NRXN1: variants seen among roughly 807,000 people sequenced by gnomAD.
The protein encoded by NRXN1 is neurexin 1.
In NRXN1, 39 loss-of-function variants were observed where a neutral mutation model predicts 150.9. The observed-to-expected ratio is 0.26, with a 90% CI of 0.20 to 0.34. The LOEUF (loss-of-function observed/expected upper bound fraction) is 0.34. Among genes scored for constraint, NRXN1 ranks in the 10% least tolerant of loss-of-function variants. The probability of loss-of-function intolerance (pLI) is 1.00; values close to 1 mark genes in which losing one functional copy is unlikely to be tolerated. For missense variants in NRXN1, 1,815 were observed against 1,949.9 expected (o/e 0.93, Z 1.30); for synonymous variants, 924 against 757.0 (o/e 1.22, Z -3.62).
chr2:50,720,865 A>G (rs915022823), intron 5 of NRXN1, among the ~76,000 whole-genome samples: 2 of 152,122 alleles, frequency 1.3e-5, no homozygotes, highest in African/African-American at 4.8e-5. Context: ...CTGAAACCTG[A>G]GCCAGCCAAT....
chr2:50,732,485 T>G (rs1698224783), intron 5 of NRXN1, among the ~76,000 whole-genome samples: 1 of 152,206 alleles, frequency 6.6e-6, no homozygotes. Context: ...TACTTTTCAC[T>G]GAATGAAACA....
At chr2:50,904,199 T>C (rs577048318) in intron 5 of NRXN1, among the ~76,000 whole-genome samples, 1 of 152,196 alleles carries the variant, frequency 6.6e-6, no homozygotes, top group African/African-American at 2.4e-5. Flanking sequence ...TAACAGCAAT[T>C]TGACTGAAAT....
chr2:50,100,707 T>C (rs1700866285), intron 18 of NRXN1, among the ~76,000 whole-genome samples: 1 of 152,042 alleles, frequency 6.6e-6, no homozygotes, highest in Non-Finnish European at 1.5e-5. Context: ...TAGAATAAAA[T>C]AAAGCTACCT....
chr2:49,959,506 C>A, intron 21 of NRXN1, among the ~76,000 whole-genome samples: 1 of 152,152 alleles, frequency 6.6e-6, no homozygotes, highest in Middle Eastern at 3.2e-3. Flanking sequence ...TTGAGAAGCC[C>A]TGGTACAGGT....
intron 17 of NRXN1, among the ~76,000 whole-genome samples, chr2:50,398,855 T>C (rs917635398): frequency 6.6e-6 from 1 of 152,104 alleles, no homozygotes; most frequent in African/African-American, 2.4e-5. Flanking sequence ...TATCAGCCAG[T>C]AGTGGGGCTG....
chr2:50,100,845 TTTA>T (rs1700884754), intron 18 of NRXN1, among the ~76,000 whole-genome samples: 1 of 152,082 alleles, frequency 6.6e-6, no homozygotes, highest in African/African-American at 2.4e-5. Context: ...AAGAATGTCT[TTTA>T]TTATTTTTCT....
At chr2:50,189,781 T>G (rs2061334372) in intron 18 of NRXN1, among the ~76,000 whole-genome samples, 1 of 152,148 alleles carries the variant, frequency 6.6e-6, no homozygotes, top group Non-Finnish European at 1.5e-5. Flanking sequence ...ACAATAGATC[T>G]GAACTCTAAG....
intron 18 of NRXN1, among the ~76,000 whole-genome samples, chr2:50,169,162 T>C (rs1331793623): frequency 2.6e-5 from 4 of 152,158 alleles, no homozygotes; most frequent in Admixed American, 2.6e-4. Flanking sequence ...ATTTCACAAA[T>C]TAGGAATCTC....
intron 5 of NRXN1, among the ~76,000 whole-genome samples, chr2:50,674,096 A>G (rs927529422): frequency 6.6e-6 from 1 of 152,054 alleles, no homozygotes; most frequent in African/African-American, 2.4e-5. Context: ...TTAAAGTATA[A>G]TAAAAAAAAG....
intron 5 of NRXN1, among the ~76,000 whole-genome samples, chr2:50,697,167 C>A (rs1235921606): frequency 6.6e-6 from 1 of 152,112 alleles, no homozygotes; most frequent in Non-Finnish European, 1.5e-5. Context: ...ATATACTTTA[C>A]AGGGAATATT....
chr2:50,436,401 C>T (rs1363598414), intron 17 of NRXN1, among the ~76,000 whole-genome samples: 1 of 151,156 alleles, frequency 6.6e-6, no homozygotes, highest in Admixed American at 6.6e-5. Context: ...TGTGGTGGGC[C>T]GAGATAGTGC....
intron 3 of NRXN1, among the ~76,000 whole-genome samples, chr2:50,925,497 C>T (rs1168255418): frequency 6.6e-6 from 1 of 151,718 alleles, no homozygotes; most frequent in African/African-American, 2.4e-5. Context: ...TTTTATACAT[C>T]CAATCATTTT....
At chr2:50,628,740 G>T (rs1681666874) in intron 5 of NRXN1, among the ~76,000 whole-genome samples, 2 of 151,188 alleles carry the variant, frequency 1.3e-5, no homozygotes, top group African/African-American at 4.8e-5. Context: ...AAATGAAAAA[G>T]AAATTAGACC....
In NRXN1 at chr2:49,921,992, T is replaced by C. The variant is rs1311727517; in HGVS notation, c.4476A>G (p.Lys1492=). Residue 1492 remains lysine, a synonymous_variant, in exon 23 of 23, where the codon AAA becomes AAG. Transcript: ENST00000401669. ...TGTTTTTCTTATTTTTGTTGGAGCT[T>C]TTCGCACTGCTGGGTTGTTTCTCCT... is the stretch of plus-strand genomic sequence containing the variant. The part of the protein sequence containing the change: ...VVKEKQPSSA[K]SSNKNKKNKD... 1.2e-6 allele frequency: 2 copies of C among 1,614,050 alleles called. No homozygotes were observed. The highest frequency in any genetic ancestry group is 2.2e-5 in the South Asian group (2 of 91,084).
rs571688383 is a variant in NRXN1, at chr2:50,979,243, A to G, written c.772+48259T>C. The stretch of plus-strand genomic sequence containing the variant: ...ATATGAGAAAAGACTAAGATTCTCC[A>G]GCTAAGATAAACAGATGCAATATTT... On this transcript the variant is annotated intron_variant, in intron 2 of 22. Transcript: ENST00000401669. 22 of 517,706 alleles carry G rather than the reference A, an allele frequency of 4.2e-5. No individual in the cohort carries two copies. In the East Asian group the frequency reaches 8.7e-4, roughly 21 times the overall value. 32.1% of individuals were successfully genotyped at this position (517,706 alleles called of 1,614,324 possible).
chr2:50,740,679 A>G (rs1421329700), intron 5 of NRXN1, among the ~76,000 whole-genome samples: 1 of 152,166 alleles, frequency 6.6e-6, no homozygotes, highest in Non-Finnish European at 1.5e-5. Context: ...GTTTTTTTCC[A>G]GTATTTCTTT....
chr2:50,197,255 G>GGAAA (rs1343744116), intron 18 of NRXN1, among the ~76,000 whole-genome samples: 1 of 152,024 alleles, frequency 6.6e-6, no homozygotes, highest in African/African-American at 2.4e-5. Context: ...TTGTCACCTG[G>GGAAA]GAAAGAGGTC....
chr2:50,434,391 T>C (rs115951694), intron 17 of NRXN1, among the ~76,000 whole-genome samples: 1,806 of 152,132 alleles, frequency 0.012, 33 homozygotes, highest in African/African-American at 0.04. Context: ...CATCTTTTGC[T>C]TTTTCTATGG....
chr2:49,971,468 G>T (rs1677946449), intron 21 of NRXN1, among the ~76,000 whole-genome samples: 1 of 152,138 alleles, frequency 6.6e-6, no homozygotes, highest in Non-Finnish European at 1.5e-5. Flanking sequence ...TTTAATAACA[G>T]TTCAGGACTC....
Sources: allele counts gnomAD v4.1 joint callset (sites outside exome capture counted in the v4.1 genomes callset), GRCh38; gene constraint gnomAD v4.1.1; transcripts MANE v1.5; gene names NCBI Gene and HGNC (gene_info 2026-07-23, HGNC 2026-07-21).